GTF2A1L: variants seen among roughly 807,000 people sequenced by gnomAD.
The protein encoded by GTF2A1L is TFIIA-alpha and beta-like factor.
GTF2A1L carries 48 observed loss-of-function variants against 49.7 expected under a neutral mutation model. The observed-to-expected ratio is 0.97, with a 90% CI of 0.77 to 1.23. GTF2A1L has a LOEUF of 1.23. GTF2A1L is among the 50% of genes most tolerant of loss of function. GTF2A1L has a pLI of 0.00. For missense variants in GTF2A1L, 736 were observed against 564.8 expected, an observed-to-expected ratio of 1.30 and a Z score of -3.07; for synonymous variants, 246 against 193.5, an observed-to-expected ratio of 1.27 and a Z score of -2.25.
intron 6 of GTF2A1L, among the ~76,000 whole-genome samples, chr2:48,661,166 A>AAAC (rs1325832935): frequency 4.6e-5 from 7 of 151,086 alleles, no homozygotes; most frequent in Admixed American, 4.6e-4. Flanking sequence ...ATGTAAAGTT[A>AAAC]AACTGTTAAT....
intron 6 of GTF2A1L, among the ~76,000 whole-genome samples, chr2:48,664,145 T>C (rs34793022): frequency 0.088 from 13,452 of 152,098 alleles, 649 homozygotes; most frequent in Non-Finnish European, 0.11. Context: ...CTTATTGCAC[T>C]GACTAGGACT....
Position 48,670,924 on chromosome 2 carries a change from A to G in GTF2A1L, c.1240-667A>G, listed in dbSNP as rs974594376. On this transcript the variant is annotated intron_variant, in intron 7 of 8. Transcript: ENST00000403751. ...CTGCAACCTCTGCTTCCTGGGTTCA[A>G]ATGATTCTTATGCCTCAGCCTCCTG... Among the ~76,000 whole-genome samples the G allele has an allele frequency of 4.0e-5, 6 of 149,214 alleles. No individual in the cohort carries two copies. The South Asian group carries it at 1.3e-3, about 32-fold the overall frequency.
chr2:48,646,797 C>G lies in GTF2A1L; in HGVS notation c.733C>G (p.Pro245Ala). Residue 245 changes from proline (P) to alanine (A), a missense_variant, in exon 6 of 9, where the codon CCA becomes GCA. Physicochemically the swap from Pro to Ala is conservative, Grantham distance 27. Coordinates refer to ENST00000403751, the MANE Select transcript of GTF2A1L (RefSeq NM_006872.5). ...GGAAAGTTCTCACTATATCAGTCTT[C>G]CAGGTGTTGTATTTTCTCCACAGGT... ...HQESSHYISL[P>A]GVVFSPQVSQ... 1 of 1,614,166 alleles carries G rather than the reference C, an allele frequency of 6.2e-7. No homozygotes were observed. The highest frequency in any genetic ancestry group is 8.5e-7 in the Non-Finnish European group (1 of 1,180,036).
At chr2:48,635,190 G>A (rs1410329232) in intron 3 of GTF2A1L, among the ~76,000 whole-genome samples, 2 of 152,020 alleles carry the variant, frequency 1.3e-5, no homozygotes, top group Non-Finnish European at 2.9e-5. Flanking sequence ...GCAAGCAGGT[G>A]CTATGAATAC....
chr2:48,668,502 G>T (rs563795254), intron 6 of GTF2A1L: 1 of 152,218 alleles, frequency 6.6e-6, no homozygotes, highest in Admixed American at 6.5e-5. Context: ...AAACTAATGG[G>T]TTGGGGTGGG....
intron 6 of GTF2A1L, among the ~76,000 whole-genome samples, chr2:48,667,637 C>T (rs1432172306): frequency 1.3e-5 from 2 of 152,122 alleles, no homozygotes; most frequent in African/African-American, 4.8e-5. Flanking sequence ...CCTTATATTT[C>T]ATCTGTGAAG....
chr2:48,632,105 G>A (rs1254952603), intron 3 of GTF2A1L, among the ~76,000 whole-genome samples: 1 of 152,112 alleles, frequency 6.6e-6, no homozygotes, highest in Admixed American at 6.6e-5. Context: ...AATGTATAAG[G>A]CTCTACTTCA....
intron 6 of GTF2A1L, among the ~76,000 whole-genome samples, chr2:48,663,374 T>A (rs953598902): frequency 1.1e-4 from 17 of 152,132 alleles, no homozygotes; most frequent in Admixed American, 2.0e-4. Context: ...AGGTCAAGGC[T>A]GCAGTAAACT....
chr2:48,676,815 C>A (rs1378695806), intron 8 of GTF2A1L, among the ~76,000 whole-genome samples: 1 of 150,534 alleles, frequency 6.6e-6, no homozygotes, highest in East Asian at 1.9e-4. Flanking sequence ...ATCTATATAT[C>A]TATATCTATA....
rs534847506 is a variant in GTF2A1L, at chr2:48,650,745, T to G, written c.978+3703T>G. On this transcript the variant is annotated intron_variant, in intron 6 of 8. Transcript: ENST00000403751. ...TCTGTCAAAATATATTAAGATATAT[T>G]TCATTCCAAATAAGAGTGGAGTGGC... Among the ~76,000 whole-genome samples, 3 of 152,282 alleles carry G rather than the reference T, an allele frequency of 2.0e-5. No individual in the cohort carries two copies. In the East Asian group the frequency reaches 5.8e-4, roughly 29 times the overall value.
chr2:48,677,981 GT>G (rs1325063353), intron 8 of GTF2A1L, among the ~76,000 whole-genome samples: 11 of 11,794 alleles, frequency 9.3e-4, no homozygotes, highest in South Asian at 0.02. Flanking sequence ...TGAGATGGGT[GT>G]GTGTGTGTGT....
At chr2:48,629,858 AT>A (rs1488313776) in intron 3 of GTF2A1L, among the ~76,000 whole-genome samples, 4 of 144,536 alleles carry the variant, frequency 2.8e-5, no homozygotes, top group Non-Finnish European at 6.2e-5. Flanking sequence ...CCCCATCACC[AT>A]TTATTGACTA....
At chr2:48,653,426 A>G (rs2104235202) in intron 6 of GTF2A1L, among the ~76,000 whole-genome samples, 2 of 152,222 alleles carry the variant, frequency 1.3e-5, no homozygotes, top group Middle Eastern at 6.8e-3. Context: ...ACCCTCTTTC[A>G]ACCCCCAGTT....
intron 1 of GTF2A1L, 69 bp from the exon 2 acceptor site, chr2:48,620,782 T>C (rs1247050541): frequency 2.4e-6 from 1 of 413,464 alleles, no homozygotes; most frequent in East Asian, 8.2e-5. Context: ...ATCTCAAGAA[T>C]AAATAAATAA....
intron 6 of GTF2A1L, among the ~76,000 whole-genome samples, chr2:48,657,106 C>G (rs957923972): frequency 6.6e-6 from 1 of 151,980 alleles, no homozygotes; most frequent in African/African-American, 2.4e-5. Flanking sequence ...TTTATCGTTT[C>G]AGCTTTTATT....
intron 6 of GTF2A1L, among the ~76,000 whole-genome samples, chr2:48,660,369 TTG>T (rs1327579661): frequency 1.1e-4 from 16 of 152,248 alleles, no homozygotes; most frequent in African/African-American, 3.8e-4. Flanking sequence ...CTTTAAATGT[TTG>T]GTATAATTTT....
intron 4 of GTF2A1L, among the ~76,000 whole-genome samples, chr2:48,643,524 A>G (rs1466715339): frequency 6.6e-6 from 1 of 152,114 alleles, no homozygotes; most frequent in Non-Finnish European, 1.5e-5. Context: ...CAATGAAGAA[A>G]TACCTCTGCC....
At chr2:48,622,809 G>A (rs187074454) in intron 3 of GTF2A1L, among the ~76,000 whole-genome samples, 2 of 150,606 alleles carry the variant, frequency 1.3e-5, no homozygotes, top group East Asian at 2.0e-4. Flanking sequence ...ATTCCAGCCT[G>A]GGCGACACAG....
chr2:48,657,896 A>G (rs906369001), intron 6 of GTF2A1L, among the ~76,000 whole-genome samples: 6 of 151,926 alleles, frequency 3.9e-5, no homozygotes, highest in South Asian at 2.1e-4. Context: ...GGCTGCTTCT[A>G]TATCTTCTTT....
Sources: gnomAD v4.1 joint callset for allele counts (sites outside exome capture counted in the v4.1 genomes callset) on GRCh38, gnomAD v4.1.1 for gene constraint, MANE v1.5 for transcripts, NCBI Gene and HGNC (gene_info 2026-07-23, HGNC 2026-07-21) for gene names.